The following FMNL2 variants were observed in gnomAD, a reference collection of about 807,000 sequenced individuals.
The protein encoded by FMNL2 is formin like 2.
In FMNL2, 51 loss-of-function variants were observed where a neutral mutation model predicts 130.2. That is an observed-to-expected ratio of 0.39 (90% CI 0.31 to 0.49). The LOEUF is 0.49. FMNL2 is among the 20% of genes least tolerant of loss of function. FMNL2 has a pLI of 0.85. For missense variants in FMNL2, 977 were observed against 1,316.2 expected, an observed-to-expected ratio of 0.74 and a Z score of 3.99; for synonymous variants, 465 against 467.1, an observed-to-expected ratio of 1.00 and a Z score of 0.06.
At chr2:152,643,569 T>C in intron 25 of FMNL2, 2 of 1,533,668 alleles carry the variant, frequency 1.3e-6, no homozygotes, top group South Asian at 2.4e-5. Context: ...TTTGATGTCT[T>C]ATGTCCCCCT....
intron 1 of FMNL2, among the ~76,000 whole-genome samples, chr2:152,464,730 A>G (rs1341269229): frequency 6.6e-6 from 1 of 152,310 alleles, no homozygotes; most frequent in South Asian, 2.1e-4. Flanking sequence ...CTAGTTGGGT[A>G]AAGTTGAAAG....
intron 11 of FMNL2, among the ~76,000 whole-genome samples, chr2:152,613,593 A>G (rs1222922172): frequency 6.6e-6 from 1 of 152,198 alleles, no homozygotes; most frequent in East Asian, 1.9e-4. Context: ...GTAGAGTGGA[A>G]TTTCTCTTAA....
chr2:152,601,194 C>G (rs149369208), intron 9 of FMNL2, among the ~76,000 whole-genome samples: 2,744 of 152,182 alleles, frequency 0.018, 268 homozygotes, highest in Admixed American at 0.16. Context: ...TCGGCCAAGC[C>G]CCTGACTTGG....
intron 6 of FMNL2, among the ~76,000 whole-genome samples, chr2:152,567,169 T>C (rs955098943): frequency 6.6e-6 from 1 of 152,210 alleles, no homozygotes; most frequent in African/African-American, 2.4e-5. Flanking sequence ...CATGGGGCTA[T>C]GTCCTGATTA....
chr2:152,602,158 T>G (rs1189311499), intron 9 of FMNL2, among the ~76,000 whole-genome samples: 4 of 152,166 alleles, frequency 2.6e-5, no homozygotes, highest in African/African-American at 9.7e-5. Flanking sequence ...AGCTTGAAGG[T>G]GCAAAGAGAG....
At chr2:152,382,098 C>T (rs1684505505) in intron 1 of FMNL2, among the ~76,000 whole-genome samples, 1 of 152,132 alleles carries the variant, frequency 6.6e-6, no homozygotes, top group African/African-American at 2.4e-5. Flanking sequence ...CATGCCTGGC[C>T]TAGAATCTTT....
intron 23 of FMNL2, among the ~76,000 whole-genome samples, chr2:152,638,530 C>G (rs971840858): frequency 1.2e-4 from 19 of 152,206 alleles, no homozygotes; most frequent in African/African-American, 4.3e-4. Context: ...TCTGGAAAAT[C>G]ATTATTGGGC....
chr2:152,360,170 A>G (rs1227237523), intron 1 of FMNL2, among the ~76,000 whole-genome samples: 1 of 152,252 alleles, frequency 6.6e-6, no homozygotes, highest in Non-Finnish European at 1.5e-5. Context: ...CACAAACCGC[A>G]TCTTTGCTCT....
rs1041221606 is a variant in FMNL2, at chr2:152,648,661, A to G, written c.*756A>G. On this transcript the variant is annotated 3_prime_UTR_variant, in exon 26 of 26. Coordinates refer to ENST00000288670, the MANE Select transcript of FMNL2 (RefSeq NM_052905.4). Reference sequence around the variant, plus strand: ...TCAGTAATCAGCATTAGCATTTCTGAGGACCATTATTAATTCTGAGAACAG... The same window carrying G: ...TCAGTAATCAGCATTAGCATTTCTGGGGACCATTATTAATTCTGAGAACAG... 4 of 152,656 alleles carry G rather than the reference A, an allele frequency of 2.6e-5. No homozygotes were observed. Among genetic ancestry groups the G allele is most frequent in the Admixed American group, 6.5e-5 (1 of 15,276 alleles). 9.5% of individuals were successfully genotyped at this position (152,656 alleles called of 1,614,324 possible).
intron 1 of FMNL2, among the ~76,000 whole-genome samples, chr2:152,455,520 A>T (rs541804215): frequency 6.6e-6 from 1 of 152,128 alleles, no homozygotes; most frequent in African/African-American, 2.4e-5. Context: ...ACATTTAGAT[A>T]TGGGGGCCAC....
At chr2:152,521,079 T>C (rs1443991204) in intron 1 of FMNL2, among the ~76,000 whole-genome samples, 1 of 152,200 alleles carries the variant, frequency 6.6e-6, no homozygotes, top group Non-Finnish European at 1.5e-5. Context: ...ATGAGAACTT[T>C]GGGGAGGCCA....
intron 3 of FMNL2, among the ~76,000 whole-genome samples, chr2:152,546,934 C>G (rs1308613624): frequency 1.3e-5 from 2 of 150,128 alleles, no homozygotes; most frequent in African/African-American, 4.9e-5. Flanking sequence ...TCCTGCATTA[C>G]TTGCCCCCAT....
chr2:152,445,604 C>T (rs977729488), intron 1 of FMNL2, among the ~76,000 whole-genome samples: 2 of 152,140 alleles, frequency 1.3e-5, no homozygotes, highest in African/African-American at 2.4e-5. Context: ...GAAATTTTAT[C>T]ATGCATCAGA....
chr2:152,525,342 C>T (rs1425565094), intron 2 of FMNL2, among the ~76,000 whole-genome samples: 1 of 152,180 alleles, frequency 6.6e-6, no homozygotes, highest in Non-Finnish European at 1.5e-5. Flanking sequence ...TCAAAGAATT[C>T]AGGACATTGG....
Position 152,614,535 on chromosome 2 carries a change from G to C in FMNL2, c.1063-316G>C, listed in dbSNP as rs544270880. On this transcript the variant is annotated intron_variant, in intron 11 of 25. Coordinates refer to ENST00000288670, the MANE Select transcript of FMNL2 (RefSeq NM_052905.4). ...TGAGCCGGGTGGATCACGAGGTCAGGAGATCGAGACCATCCTGGCCAACAG... is the reference window on the plus strand; with the variant it reads ...TGAGCCGGGTGGATCACGAGGTCAGCAGATCGAGACCATCCTGGCCAACAG... Among the ~76,000 whole-genome samples, 10 of 152,254 alleles carry C rather than the reference G, an allele frequency of 6.6e-5. No homozygotes were observed. In the South Asian group the frequency reaches 1.9e-3, roughly 28 times the overall value.
chr2:152,506,338 T>A (rs1692168925), intron 1 of FMNL2, among the ~76,000 whole-genome samples: 1 of 152,212 alleles, frequency 6.6e-6, no homozygotes, highest in Non-Finnish European at 1.5e-5. Context: ...GATACCAAAA[T>A]CAATGAATGC....
intron 1 of FMNL2, among the ~76,000 whole-genome samples, chr2:152,455,795 A>G (rs1345392550): frequency 6.6e-6 from 1 of 152,176 alleles, no homozygotes; most frequent in African/African-American, 2.4e-5. Flanking sequence ...GCTCACTGCA[A>G]CCTTGACCTC....
chr2:152,349,362 T>C (rs1240850772), intron 1 of FMNL2, among the ~76,000 whole-genome samples: 1 of 152,200 alleles, frequency 6.6e-6, no homozygotes, highest in African/African-American at 2.4e-5. Flanking sequence ...GGAGGTATTG[T>C]CTTCCTTTTA....
rs147327846 is a variant in FMNL2, at chr2:152,450,254, A to G, written c.118-71689A>G. ...AGCCTTGTTTTTTTCTTTGCTTTAC[A>G]TTAATAAGAAAGAGGCAAGACACAA... On this transcript the variant is annotated intron_variant, in intron 1 of 25. Coordinates refer to ENST00000288670, the MANE Select transcript of FMNL2 (RefSeq NM_052905.4). Among the ~76,000 whole-genome samples, 18 of 152,312 alleles carry G rather than the reference A, an allele frequency of 1.2e-4. 1 individual carries two copies. The highest frequency in any genetic ancestry group is 3.6e-4 in the African/African-American group (15 of 41,570).
Sources: gnomAD v4.1 joint callset for allele counts (sites outside exome capture counted in the v4.1 genomes callset) on GRCh38, gnomAD v4.1.1 for gene constraint, MANE v1.5 for transcripts, NCBI Gene and HGNC (gene_info 2026-07-23, HGNC 2026-07-21) for gene names.